The following ATXN7L1 variants were observed in gnomAD, a reference collection of about 807,000 sequenced individuals.
The protein encoded by ATXN7L1 is ataxin 7 like 1.
Under a neutral mutation model 70.8 loss-of-function variants are expected in ATXN7L1, and 15 were observed. The ratio of observed to expected loss-of-function variants is 0.21; its 90% CI spans 0.14 to 0.33. The LOEUF (loss-of-function observed/expected upper bound fraction) is 0.33, where lower values mean the gene tolerates loss of function less well. ATXN7L1 is among the 10% of genes least tolerant of loss of function. The pLI is 1.00. For missense variants in ATXN7L1, 975 were observed against 1,097.1 expected (o/e 0.89, Z 1.57); for synonymous variants, 440 against 445.1 (o/e 0.99, Z 0.14).
At chr7:105,816,580 A>AAAGG (rs1809232312) in intron 2 of ATXN7L1, among the ~76,000 whole-genome samples, 2 of 152,230 alleles carry the variant, frequency 1.3e-5, no homozygotes, top group Admixed American at 1.3e-4. Flanking sequence ...CTTTCCCCAC[A>AAAGG]GCCCTCAGGG....
intron 3 of ATXN7L1, among the ~76,000 whole-genome samples, chr7:105,752,785 G>A (rs957074977): frequency 1.6e-4 from 25 of 152,170 alleles, no homozygotes; most frequent in Admixed American, 3.9e-4. Context: ...TGTCTGTCTT[G>A]TCTCAGCTAA....
chr7:105,680,145 T>C (rs1195499483), intron 3 of ATXN7L1, among the ~76,000 whole-genome samples: 1 of 151,898 alleles, frequency 6.6e-6, no homozygotes, highest in African/African-American at 2.4e-5. Context: ...ATGATTTTCC[T>C]GGAGAATTTT....
intron 3 of ATXN7L1, among the ~76,000 whole-genome samples, chr7:105,730,777 C>T (rs1796446641): frequency 6.6e-6 from 1 of 151,670 alleles, no homozygotes; most frequent in Admixed American, 6.6e-5. Flanking sequence ...GACATGACAA[C>T]TAAATGTAAG....
chr7:105,684,744 C>T (rs1177835563), intron 3 of ATXN7L1, among the ~76,000 whole-genome samples: 1 of 152,186 alleles, frequency 6.6e-6, no homozygotes, highest in East Asian at 1.9e-4. Flanking sequence ...AGTGCTCATA[C>T]ACAACGTGGA....
At chr7:105,686,669 T>C (rs529743583) in intron 3 of ATXN7L1, among the ~76,000 whole-genome samples, 1 of 152,334 alleles carries the variant, frequency 6.6e-6, no homozygotes, top group South Asian at 2.1e-4. Context: ...TAATAAAGTG[T>C]TGAATATCTC....
intron 3 of ATXN7L1, among the ~76,000 whole-genome samples, chr7:105,669,651 G>A (rs1320289146): frequency 1.3e-5 from 2 of 152,104 alleles, no homozygotes; most frequent in African/African-American, 2.4e-5. Flanking sequence ...GGCCCAGCAC[G>A]GTGGCTCACG....
intron 2 of ATXN7L1, among the ~76,000 whole-genome samples, chr7:105,799,604 T>C (rs1406732863): frequency 6.6e-6 from 1 of 151,952 alleles, no homozygotes; most frequent in Non-Finnish European, 1.5e-5. Context: ...ATTGCGACAT[T>C]TTTTTTTCTC....
At chr7:105,827,033 A>G (rs1810967943) in intron 2 of ATXN7L1, among the ~76,000 whole-genome samples, 1 of 152,218 alleles carries the variant, frequency 6.6e-6, no homozygotes, top group Admixed American at 6.5e-5. Context: ...AACATCTCAG[A>G]GTAAGGCCAC....
chr7:105,739,044 C>A (rs1797721015), intron 3 of ATXN7L1, among the ~76,000 whole-genome samples: 1 of 152,116 alleles, frequency 6.6e-6, no homozygotes. Context: ...AGTGGAAAAT[C>A]ACTGCTGAAG....
intron 2 of ATXN7L1, among the ~76,000 whole-genome samples, chr7:105,799,318 A>G (rs1421874129): frequency 1.3e-5 from 2 of 152,184 alleles, no homozygotes; most frequent in African/African-American, 2.4e-5. Flanking sequence ...ACTCCAGAAA[A>G]TTCCCCCATC....
At chr7:105,800,734 G>A (rs1806691611) in intron 2 of ATXN7L1, among the ~76,000 whole-genome samples, 1 of 152,222 alleles carries the variant, frequency 6.6e-6, no homozygotes, top group African/African-American at 2.4e-5. Context: ...CACAGGGCAA[G>A]CCACAGAACA....
At position 105,675,884 on chromosome 7, in the gene ATXN7L1, CTTT is replaced by C. The variant is rs371890415; in HGVS notation, c.356-10599_356-10597del. The stretch of plus-strand genomic sequence containing the variant: ...AAGCTATTTCATTCATTCATTCACT[CTTT>C]TTTTTTTTTTTTTCTTAGCATTTCC... On this transcript the variant is annotated intron_variant, in intron 3 of 11. Transcript: ENST00000419735. 1.6e-3 allele frequency among the ~76,000 whole-genome samples: 224 copies of C among 142,898 alleles called. 1 individual carries two copies. Among genetic ancestry groups the C allele is most frequent in the African/African-American group, 5.0e-3 (196 of 39,014 alleles). The allele number at this position is 142,898 out of a possible 152,430, so 93.7% of individuals were successfully genotyped here. A position where few individuals can be genotyped will look rare whatever the true frequency, so the allele number is the denominator to read the frequency against.
chr7:105,850,100 A>C (rs1295329814), intron 2 of ATXN7L1, among the ~76,000 whole-genome samples: 1 of 152,248 alleles, frequency 6.6e-6, no homozygotes, highest in East Asian at 1.9e-4. Flanking sequence ...ACATAAAATA[A>C]CAATGTATTT....
At chr7:105,643,532 C>T (rs886674997) in intron 4 of ATXN7L1, among the ~76,000 whole-genome samples, 2 of 152,244 alleles carry the variant, frequency 1.3e-5, no homozygotes, top group African/African-American at 4.8e-5. Flanking sequence ...CGCCCCCTCC[C>T]CCCGCTGCTC....
chr7:105,777,058 C>T (rs937723914), intron 3 of ATXN7L1, among the ~76,000 whole-genome samples: 1 of 152,196 alleles, frequency 6.6e-6, no homozygotes, highest in Admixed American at 6.6e-5. Flanking sequence ...CTACTAGAAG[C>T]CAGGAAAAGT....
intron 4 of ATXN7L1, chr7:105,649,348 A>G (rs1262773793): frequency 2.3e-5 from 23 of 985,892 alleles, no homozygotes; most frequent in Non-Finnish European, 2.7e-5. Flanking sequence ...CCTGGGAAAG[A>G]AACCCAATGC....
intron 2 of ATXN7L1, among the ~76,000 whole-genome samples, chr7:105,865,050 C>A (rs1817201005): frequency 6.6e-6 from 1 of 152,172 alleles, no homozygotes; most frequent in African/African-American, 2.4e-5. Flanking sequence ...GCCTGGTGAG[C>A]CCCGGGCATC....
chr7:105,621,737 C>T (rs1794965731), intron 8 of ATXN7L1, among the ~76,000 whole-genome samples: 1 of 152,204 alleles, frequency 6.6e-6, no homozygotes, highest in South Asian at 2.1e-4. Flanking sequence ...AGCTCTCCCC[C>T]TTCCTCCAGG....
chr7:105,767,215 C>T (rs73413272), intron 3 of ATXN7L1, among the ~76,000 whole-genome samples: 8,277 of 152,246 alleles, frequency 0.054, 277 homozygotes, highest in African/African-American at 0.091. Context: ...ATGCTGGCCA[C>T]TGGAATCCGC....
Sources: gnomAD v4.1 joint callset for allele counts (sites outside exome capture counted in the v4.1 genomes callset) on GRCh38, gnomAD v4.1.1 for gene constraint, MANE v1.5 for transcripts, NCBI Gene and HGNC (gene_info 2026-07-23, HGNC 2026-07-21) for gene names.